RPH3A: variants seen among roughly 807,000 people sequenced by gnomAD.
RPH3A encodes rabphilin 3A, also known as rabphilin-3A.
A neutral mutation model predicts 102.2 loss-of-function variants in RPH3A; 48 were observed. That is an observed-to-expected ratio of 0.47 (90% CI 0.37 to 0.60). RPH3A has a LOEUF of 0.60. RPH3A is among the 20% of genes least tolerant of loss of function. RPH3A has a pLI of 0.00. For missense variants in RPH3A, 781 were observed against 910.1 expected, an observed-to-expected ratio of 0.86 and a Z score of 1.83; for synonymous variants, 310 against 324.3, an observed-to-expected ratio of 0.96 and a Z score of 0.47.
intron 1 of RPH3A, among the ~76,000 whole-genome samples, chr12:112,641,404 T>G (rs973155609): frequency 6.6e-6 from 1 of 152,208 alleles, no homozygotes; most frequent in East Asian, 1.9e-4. Context: ...TATTTACTTA[T>G]TCAAGACAGA....
At chr12:112,857,756 G>C (rs529323284) in intron 5 of RPH3A, among the ~76,000 whole-genome samples, 27 of 152,292 alleles carry the variant, frequency 1.8e-4, no homozygotes, top group Non-Finnish European at 3.4e-4. Flanking sequence ...GAAACCTGCT[G>C]GCGTGCAATG....
chr12:112,797,370 C>T (rs1313783885), intron 2 of RPH3A, among the ~76,000 whole-genome samples: 4 of 152,042 alleles, frequency 2.6e-5, no homozygotes, highest in African/African-American at 7.2e-5. Context: ...CATTACTAGG[C>T]TTGTAGGCAA....
chr12:112,872,258 G>A (rs138326771), intron 10 of RPH3A, among the ~76,000 whole-genome samples: 36 of 152,282 alleles, frequency 2.4e-4, no homozygotes, highest in African/African-American at 8.2e-4. Flanking sequence ...GTGGTGTGAA[G>A]TGGCATCTCC....
intron 1 of RPH3A, among the ~76,000 whole-genome samples, chr12:112,579,937 C>T (rs1566215068): frequency 6.6e-6 from 1 of 152,170 alleles, no homozygotes; most frequent in African/African-American, 2.4e-5. Context: ...TATTTCTAAT[C>T]TCGATTTTGA....
At chr12:112,816,536 T>C (rs368032444) in intron 2 of RPH3A, among the ~76,000 whole-genome samples, 1 of 152,314 alleles carries the variant, frequency 6.6e-6, no homozygotes, top group East Asian at 1.9e-4. Context: ...GAGTATGCAC[T>C]GGCTTTGAAG....
intron 1 of RPH3A, among the ~76,000 whole-genome samples, chr12:112,611,688 C>T (rs1364183609): frequency 6.6e-6 from 1 of 152,090 alleles, no homozygotes; most frequent in African/African-American, 2.4e-5. Flanking sequence ...TCAGGTTATC[C>T]ACCTACCTCA....
intron 1 of RPH3A, among the ~76,000 whole-genome samples, chr12:112,631,431 G>A (rs978159421): frequency 1.3e-5 from 2 of 152,134 alleles, no homozygotes; most frequent in Non-Finnish European, 2.9e-5. Context: ...AATGGGGTAA[G>A]GGGTTCAGCC....
intron 1 of RPH3A, among the ~76,000 whole-genome samples, chr12:112,761,463 G>A (rs542224597): frequency 1.3e-5 from 2 of 152,374 alleles, no homozygotes; most frequent in South Asian, 2.1e-4. Context: ...TATGGTGTGA[G>A]CCCTGTTCAT....
At chr12:112,777,502 G>A (rs1179930444) in intron 1 of RPH3A, among the ~76,000 whole-genome samples, 3 of 152,212 alleles carry the variant, frequency 2.0e-5, no homozygotes, top group Non-Finnish European at 2.9e-5. Flanking sequence ...CAGCAAGGCA[G>A]CGATCTATTT....
intron 1 of RPH3A, among the ~76,000 whole-genome samples, chr12:112,621,040 G>C (rs1353427995): frequency 6.9e-6 from 1 of 145,418 alleles, no homozygotes; most frequent in Non-Finnish European, 1.5e-5. Context: ...ATAGGGTCTT[G>C]CTATGTTACC....
intron 1 of RPH3A, among the ~76,000 whole-genome samples, chr12:112,596,679 A>G (rs1298064246): frequency 6.6e-6 from 1 of 152,298 alleles, no homozygotes; most frequent in Admixed American, 6.5e-5. Context: ...CCCTTCTTCT[A>G]TATTGCTTGA....
chr12:112,706,724 A>T (rs1037698491), intron 1 of RPH3A, among the ~76,000 whole-genome samples: 7 of 152,180 alleles, frequency 4.6e-5, no homozygotes, highest in Admixed American at 1.3e-4. Context: ...TAAGCCAGGG[A>T]TGGGAGAACT....
intron 1 of RPH3A, among the ~76,000 whole-genome samples, chr12:112,640,320 C>T (rs2039878991): frequency 2.2e-5 from 1 of 44,806 alleles, no homozygotes; most frequent in African/African-American, 7.5e-5. Context: ...AGCAAAACTC[C>T]ATCTCAAAAA....
chr12:112,744,802 G>A (rs2040732835), intron 1 of RPH3A, among the ~76,000 whole-genome samples: 1 of 152,158 alleles, frequency 6.6e-6, no homozygotes. Context: ...TTTACTCTGT[G>A]CTCTGATGTT....
rs2043214362 is a variant in RPH3A, at chr12:112,898,030, A to G, written c.*1250A>G. 6.6e-6 allele frequency: 1 copy of G among 152,062 alleles called. No individual in the cohort carries two copies. Among genetic ancestry groups the G allele is most frequent in the Non-Finnish European group, 1.5e-5 (1 of 68,038 alleles). 9.4% of individuals were successfully genotyped at this position (152,062 alleles called of 1,614,324 possible). On this transcript the variant is annotated 3_prime_UTR_variant, in exon 22 of 22. Coordinates refer to ENST00000389385, the MANE Select transcript of RPH3A (RefSeq NM_001143854.2). ...TGTTTCATTGACTCTTTTGCATCCC[A>G]TCTCTCACTCAGAACCCCCTCCAGT...
chr12:112,846,216 T>C (rs1463597874), intron 4 of RPH3A, among the ~76,000 whole-genome samples: 1 of 152,242 alleles, frequency 6.6e-6, no homozygotes, highest in East Asian at 1.9e-4. Flanking sequence ...ATTTAGTATC[T>C]TCGCAATGTT....
chr12:112,674,044 G>A (rs2040154420), intron 1 of RPH3A, among the ~76,000 whole-genome samples: 1 of 152,064 alleles, frequency 6.6e-6, no homozygotes, highest in Non-Finnish European at 1.5e-5. Context: ...CAGGTGTGAG[G>A]CACAGCACTC....
intron 1 of RPH3A, among the ~76,000 whole-genome samples, chr12:112,691,255 G>A (rs558990393): frequency 1.6e-3 from 245 of 152,112 alleles, no homozygotes; most frequent in African/African-American, 5.5e-3. Context: ...CTCGTGATCC[G>A]CCCGCCTCGG....
intron 5 of RPH3A, among the ~76,000 whole-genome samples, chr12:112,848,667 AG>A (rs2042272422): frequency 6.6e-6 from 1 of 152,158 alleles, no homozygotes; most frequent in Non-Finnish European, 1.5e-5. Flanking sequence ...TGGGGCTCAG[AG>A]GGTGGGGATA....
Sources: allele counts gnomAD v4.1 joint callset (sites outside exome capture counted in the v4.1 genomes callset), GRCh38; gene constraint gnomAD v4.1.1; transcripts MANE v1.5; gene names NCBI Gene and HGNC (gene_info 2026-07-23, HGNC 2026-07-21).